SPAG16: variants seen among roughly 807,000 people sequenced by gnomAD.
The protein encoded by SPAG16 is sperm-associated antigen 16 protein.
Under a neutral mutation model 80.4 loss-of-function variants are expected in SPAG16, and 86 were observed. The observed-to-expected ratio is 1.07, with a 90% CI of 0.90 to 1.28. The LOEUF is 1.28. SPAG16 is among the 50% of genes most tolerant of loss of function. The pLI is 0.00. For synonymous variants in SPAG16, 294 were observed against 265.9 expected (o/e 1.11, Z -1.03); for missense variants, 870 against 765.3 (o/e 1.14, Z -1.61).
intron 10 of SPAG16, among the ~76,000 whole-genome samples, chr2:213,702,185 TGTAAAGTGGACCAATCAGCTCTCA>T (rs1223120792): frequency 2.0e-5 from 3 of 152,202 alleles, no homozygotes; most frequent in Admixed American, 6.5e-5. Context: ...ATCAGCTGTC[TGTAAAGTGGACCAATCAGCTCTCA>T]GTAAAATGGA....
At chr2:214,237,751 C>A (rs1689176136) in intron 15 of SPAG16, among the ~76,000 whole-genome samples, 1 of 151,864 alleles carries the variant, frequency 6.6e-6, no homozygotes, top group South Asian at 2.1e-4. Context: ...AAAAAGTCAT[C>A]TGGATGTGAA....
chr2:213,342,033 C>T lies in SPAG16; in HGVS notation c.644+1763C>T, dbSNP rs113049564. Among the ~76,000 whole-genome samples the T allele has an allele frequency of 8.2e-3, 1,241 of 151,962 alleles. 9 individuals are homozygous for T. The highest frequency in any genetic ancestry group is 0.034 in the Middle Eastern group (10 of 294). ...TTCCTTGTTATATTCCAGTGAAATT[C>T]TATGTGTTGTTAATTCTTTTAACAG... On this transcript the variant is annotated intron_variant, in intron 6 of 15. Coordinates refer to ENST00000331683, the MANE Select transcript of SPAG16 (RefSeq NM_024532.5).
chr2:213,885,797 C>T (rs1310064605), intron 11 of SPAG16, among the ~76,000 whole-genome samples: 1 of 152,030 alleles, frequency 6.6e-6, no homozygotes, highest in East Asian at 1.9e-4. Context: ...TTACAGTATC[C>T]ATAGTTACAC....
rs115068802 is a variant in SPAG16, at chr2:214,136,362, C to G, written c.1594-12778C>G. Among the ~76,000 whole-genome samples, 1,273 of 152,230 alleles carry G rather than the reference C, an allele frequency of 8.4e-3. 21 individuals carry two copies. Among genetic ancestry groups the G allele is most frequent in the African/African-American group, 0.029 (1,212 of 41,528 alleles). ...CTCTGGGCAAGTTTAATAACTTAAA[C>G]CTTGGTTGTCTCATTTGTAATATTG... is the stretch of plus-strand genomic sequence containing the variant. On this transcript the variant is annotated intron_variant, in intron 14 of 15. Coordinates refer to ENST00000331683, the MANE Select transcript of SPAG16 (RefSeq NM_024532.5).
At chr2:213,723,297 A>G (rs1409239424) in intron 10 of SPAG16, among the ~76,000 whole-genome samples, 2 of 152,158 alleles carry the variant, frequency 1.3e-5, no homozygotes, top group Admixed American at 6.5e-5. Flanking sequence ...ATACTAATTT[A>G]GATAATCATA....
intron 10 of SPAG16, among the ~76,000 whole-genome samples, chr2:213,720,742 CTTTTTTT>C (rs564036456): frequency 1.3e-5 from 1 of 78,924 alleles, no homozygotes. Flanking sequence ...GAAGTAAGTC[CTTTTTTT>C]TTTTTTTTTT....
At chr2:213,769,121 CA>C (rs1189951848) in intron 10 of SPAG16, among the ~76,000 whole-genome samples, 2 of 152,156 alleles carry the variant, frequency 1.3e-5, no homozygotes, top group South Asian at 2.1e-4. Context: ...TAGGCAAGAG[CA>C]CTTTCACTAA....
intron 15 of SPAG16, among the ~76,000 whole-genome samples, chr2:214,206,183 A>T (rs1410835074): frequency 2.0e-5 from 3 of 151,868 alleles, no homozygotes; most frequent in African/African-American, 7.3e-5. Context: ...TGTCTCAAAA[A>T]ATATATATAT....
intron 12 of SPAG16, 93 bp downstream of exon 12, chr2:213,930,238 C>A (rs897350035): frequency 1.1e-6 from 1 of 892,076 alleles, no homozygotes; most frequent in South Asian, 2.4e-5. Flanking sequence ...CTTGATGCTA[C>A]CCCAGGGAAA....
At chr2:213,770,942 A>G (rs891777703) in intron 10 of SPAG16, among the ~76,000 whole-genome samples, 4 of 152,150 alleles carry the variant, frequency 2.6e-5, no homozygotes, top group African/African-American at 4.8e-5. Flanking sequence ...AAGTGTCTTT[A>G]TAATAGAATG....
At chr2:214,380,306 T>C (rs1559257304) in intron 15 of SPAG16, among the ~76,000 whole-genome samples, 1 of 152,228 alleles carries the variant, frequency 6.6e-6, no homozygotes, top group Admixed American at 6.5e-5. Context: ...AAAATGTTTG[T>C]TAGCATTTGA....
chr2:213,535,717 C>T (rs1240585408), intron 10 of SPAG16, among the ~76,000 whole-genome samples: 2 of 151,994 alleles, frequency 1.3e-5, no homozygotes, highest in African/African-American at 2.4e-5. Context: ...AATGAGTATA[C>T]GAATTTAAAA....
intron 15 of SPAG16, among the ~76,000 whole-genome samples, chr2:214,351,183 A>G (rs1230942120): frequency 6.6e-6 from 1 of 152,208 alleles, no homozygotes; most frequent in Non-Finnish European, 1.5e-5. Context: ...CTGAAAAAAT[A>G]TTAATGCAGA....
chr2:213,947,361 A>AC (rs756586033), intron 12 of SPAG16, among the ~76,000 whole-genome samples: 86 of 152,256 alleles, frequency 5.6e-4, no homozygotes, highest in Non-Finnish European at 1.1e-3. Context: ...ATTTATTACT[A>AC]TCAGTATTTC....
intron 15 of SPAG16, among the ~76,000 whole-genome samples, chr2:214,338,977 T>C (rs1559225030): frequency 6.6e-6 from 1 of 152,234 alleles, no homozygotes; most frequent in East Asian, 1.9e-4. Context: ...GTCTTCATTT[T>C]TGATATTTAT....
intron 13 of SPAG16, among the ~76,000 whole-genome samples, chr2:214,038,734 T>G (rs1188696004): frequency 7.3e-6 from 1 of 136,772 alleles, no homozygotes; most frequent in African/African-American, 2.8e-5. Flanking sequence ...GATGTTCCCC[T>G]TCCTGTGTCC....
chr2:214,245,051 C>T (rs1689743395), intron 15 of SPAG16, among the ~76,000 whole-genome samples: 1 of 152,098 alleles, frequency 6.6e-6, no homozygotes, highest in Non-Finnish European at 1.5e-5. Context: ...GTTCCAGTGT[C>T]CTTGAATTAC....
At chr2:213,520,078 G>A (rs1341013523) in intron 10 of SPAG16, among the ~76,000 whole-genome samples, 1 of 139,976 alleles carries the variant, frequency 7.1e-6, no homozygotes, top group African/African-American at 2.5e-5. Context: ...GAGAGAGAGA[G>A]CAAGAGCAAG....
chr2:214,314,466 T>C (rs1023492306), intron 15 of SPAG16, among the ~76,000 whole-genome samples: 5 of 152,134 alleles, frequency 3.3e-5, no homozygotes, highest in African/African-American at 1.2e-4. Context: ...GAATTTTCAG[T>C]GTTGATATTT....
Sources: allele counts gnomAD v4.1 joint callset (sites outside exome capture counted in the v4.1 genomes callset), GRCh38; gene constraint gnomAD v4.1.1; transcripts MANE v1.5; gene names NCBI Gene and HGNC (gene_info 2026-07-23, HGNC 2026-07-21).